The following ZMYM2 variants were observed in gnomAD, a reference collection of about 807,000 sequenced individuals.
The protein encoded by ZMYM2 is zinc finger MYM-type protein 2.
In ZMYM2, 56 loss-of-function variants were observed where a neutral mutation model predicts 162.8. That is an observed-to-expected ratio of 0.34 (90% CI 0.28 to 0.43). The LOEUF is 0.43. Ranked by LOEUF, ZMYM2 falls within the 20% of genes least tolerant of loss-of-function variation. The pLI, the probability that ZMYM2 is intolerant of heterozygous loss-of-function variation, is 1.00. For synonymous variants in ZMYM2, 510 were observed against 541.6 expected (o/e 0.94, Z 0.81); for missense variants, 1,275 against 1,621.8 (o/e 0.79, Z 3.67).
chr13:19,950,393 T>C, the ZMYM2 span, among the ~76,000 whole-genome samples: 5 of 152,226 alleles, frequency 3.3e-5, no homozygotes, highest in East Asian at 1.9e-4. Flanking sequence ...TATTTTAAGT[T>C]TGGCCTAAAA....
chr13:19,999,114 TAATA>T (rs1423417076), intron 3 of ZMYM2, among the ~76,000 whole-genome samples: 1 of 152,186 alleles, frequency 6.6e-6, no homozygotes, highest in Non-Finnish European at 1.5e-5. Flanking sequence ...CCTCTAGCAT[TAATA>T]GTTACCACAC....
intron 2 of ZMYM2, among the ~76,000 whole-genome samples, chr13:19,973,670 C>CAAA (rs529880853): frequency 8.5e-5 from 5 of 58,954 alleles, no homozygotes; most frequent in African/African-American, 3.7e-4. Context: ...AACTCCATCT[C>CAAA]AAAAAAAAAA....
chr13:20,007,223 C>T (rs1950813165), intron 6 of ZMYM2, among the ~76,000 whole-genome samples: 2 of 152,016 alleles, frequency 1.3e-5, no homozygotes, highest in African/African-American at 2.4e-5. Context: ...GCAACCTCCG[C>T]CTCCCAGGTT....
At chr13:19,944,476 G>A in the ZMYM2 span, among the ~76,000 whole-genome samples, 1 of 152,040 alleles carries the variant, frequency 6.6e-6, no homozygotes, top group African/African-American at 2.4e-5. Flanking sequence ...AAGATACAAT[G>A]TTGAATTAAA....
chr13:20,053,504 T>G (rs1164665123), intron 14 of ZMYM2, among the ~76,000 whole-genome samples: 1 of 152,020 alleles, frequency 6.6e-6, no homozygotes, highest in African/African-American at 2.4e-5. Context: ...TACAAAAAAT[T>G]AGCCGGGCGT....
At chr13:20,004,965 G>A in intron 4 of ZMYM2, 109 bp from the exon 5 acceptor site, 1 of 752,886 alleles carries the variant, frequency 1.3e-6, no homozygotes, top group East Asian at 3.1e-5. Flanking sequence ...ATCCAAGAAT[G>A]ATGTTTGATT....
At position 20,086,582 on chromosome 13, in the gene ZMYM2, C is replaced by G. The variant is rs1456203106; in HGVS notation, c.*568C>G. ...AGGTTATGTAGAGAGATACCATCTT[C>G]TGTACCAAAAATAGACAAGAGAATG... is the stretch of plus-strand genomic sequence containing the variant. On this transcript the variant is annotated 3_prime_UTR_variant, in exon 25 of 25. Transcript: ENST00000610343. 2 of 205,692 alleles carry G rather than the reference C, an allele frequency of 9.7e-6. No homozygotes were observed. The highest frequency in any genetic ancestry group is 2.3e-5 in the African/African-American group (1 of 43,746). 12.7% of individuals were successfully genotyped at this position (205,692 alleles called of 1,614,324 possible).
At chr13:19,949,884 CA>C in the ZMYM2 span, among the ~76,000 whole-genome samples, 133 of 91,374 alleles carry the variant, frequency 1.5e-3, no homozygotes, top group Admixed American at 1.8e-3. Context: ...GAGACTTTGT[CA>C]AAAAAAAAAA....
At chr13:19,878,809 A>C in the ZMYM2 span, among the ~76,000 whole-genome samples, 1 of 152,174 alleles carries the variant, frequency 6.6e-6, no homozygotes, top group Non-Finnish European at 1.5e-5. Context: ...CACTGTGCCC[A>C]GCCCTTTGCC....
chr13:19,866,231 A>G, the ZMYM2 span, among the ~76,000 whole-genome samples: 1 of 127,428 alleles, frequency 7.8e-6, no homozygotes, highest in African/African-American at 2.5e-5. Context: ...CAAAAAAAGA[A>G]AAACAAAAAA....
At chr13:19,879,599 C>T in the ZMYM2 span, among the ~76,000 whole-genome samples, 3,045 of 152,190 alleles carry the variant, frequency 0.02, 50 homozygotes, top group Middle Eastern at 0.041. Context: ...CATTTTGTTC[C>T]TTTTAAAGAT....
rs9805591 is a variant in ZMYM2 at position 20,042,654 on chromosome 13, C to T, written c.2292+5745C>T. Among the ~76,000 whole-genome samples, 396 of 152,170 alleles carry T rather than the reference C, an allele frequency of 2.6e-3. 1 individual carries two copies. Among genetic ancestry groups the T allele is most frequent in the African/African-American group, 8.7e-3 (363 of 41,520 alleles). On this transcript the variant is annotated intron_variant, in intron 12 of 24. Transcript: ENST00000610343. ...AGTTGTCAGGGTTCTTGTGCGAGTT[C>T]TTTTTCATCTTTGTGGGCTTACATT... is the stretch of plus-strand genomic sequence containing the variant.
At chr13:20,064,585 T>C in intron 19 of ZMYM2, 40 bp downstream of exon 19, 2 of 1,463,080 alleles carry the variant, frequency 1.4e-6, no homozygotes, top group Non-Finnish European at 1.8e-6. Context: ...TATTTCTCTA[T>C]AGGCAAACAA....
the ZMYM2 span, among the ~76,000 whole-genome samples, chr13:19,915,087 G>A: frequency 1.1e-4 from 16 of 152,042 alleles, no homozygotes; most frequent in African/African-American, 3.6e-4. Flanking sequence ...TCAGCCTCCC[G>A]AGTAGCTGAG....
chr13:19,944,335 G>T, the ZMYM2 span, among the ~76,000 whole-genome samples: 1 of 152,232 alleles, frequency 6.6e-6, no homozygotes, highest in South Asian at 2.1e-4. Context: ...ATAATGAAAC[G>T]ACTGAGGGTC....
chr13:20,001,997 G>A (rs192295152), intron 3 of ZMYM2, among the ~76,000 whole-genome samples: 174 of 152,182 alleles, frequency 1.1e-3, no homozygotes, highest in African/African-American at 3.7e-3. Context: ...TAGCTTTATT[G>A]CAGTGATCTG....
chr13:19,890,124 C>T, the ZMYM2 span, among the ~76,000 whole-genome samples: 1 of 151,778 alleles, frequency 6.6e-6, no homozygotes, highest in African/African-American at 2.4e-5. Context: ...GGAATAGAAG[C>T]ATTTGTATCG....
intron 2 of ZMYM2, among the ~76,000 whole-genome samples, chr13:19,985,583 A>G (rs1364138869): frequency 6.6e-6 from 1 of 152,034 alleles, no homozygotes; most frequent in Non-Finnish European, 1.5e-5. Flanking sequence ...GGCGCCTGTA[A>G]TCCCAGCTAC....
chr13:19,908,527 A>C, the ZMYM2 span, among the ~76,000 whole-genome samples: 4 of 152,164 alleles, frequency 2.6e-5, no homozygotes, highest in African/African-American at 9.7e-5. Flanking sequence ...TGATCACTGC[A>C]TTTAGGTATA....
Sources: allele counts gnomAD v4.1 joint callset (sites outside exome capture counted in the v4.1 genomes callset), GRCh38; gene constraint gnomAD v4.1.1; transcripts MANE v1.5; gene names NCBI Gene and HGNC (gene_info 2026-07-23, HGNC 2026-07-21).